Variants in CNTN3 observed in about 807,000 individuals in gnomAD.
CNTN3 encodes contactin 3.
A neutral mutation model predicts 119.1 loss-of-function variants in CNTN3; 60 were observed. That is an observed-to-expected ratio of 0.50 (90% CI 0.41 to 0.62). The LOEUF is 0.62. CNTN3 is among the 20% of genes least tolerant of loss of function. The probability of loss-of-function intolerance (pLI) is 0.00; values close to 1 mark genes in which losing one functional copy is unlikely to be tolerated. For missense variants in CNTN3, 1,101 were observed against 1,242.4 expected (o/e 0.89, Z 1.71); for synonymous variants, 450 against 438.7 (o/e 1.03, Z -0.32).
chr3:74,436,361 C>T (rs1335660392), intron 4 of CNTN3, among the ~76,000 whole-genome samples: 6 of 152,148 alleles, frequency 3.9e-5, no homozygotes, highest in Non-Finnish European at 8.8e-5. Flanking sequence ...CCCTTTGTCG[C>T]CTTCCACAGA....
intron 19 of CNTN3, among the ~76,000 whole-genome samples, chr3:74,291,582 T>C (rs186219599): frequency 6.6e-6 from 1 of 152,270 alleles, no homozygotes; most frequent in East Asian, 1.9e-4. Context: ...GGTTTCACTG[T>C]GTTAGCCAGG....
At chr3:74,290,351 TAAAGTA>T (rs1176222725) in intron 19 of CNTN3, among the ~76,000 whole-genome samples, 1 of 152,148 alleles carries the variant, frequency 6.6e-6, no homozygotes, top group Admixed American at 6.5e-5. Context: ...ATAGAAAAGG[TAAAGTA>T]AAATTGTGGT....
intron 4 of CNTN3, among the ~76,000 whole-genome samples, chr3:74,450,806 C>T (rs7634614): frequency 0.52 from 79,183 of 151,240 alleles, 21,131 homozygotes; most frequent in Non-Finnish European, 0.56. Context: ...AATGACGATT[C>T]CCAATTTCAT....
At chr3:74,554,631 A>C (rs886596679) in intron 1 of CNTN3, among the ~76,000 whole-genome samples, 1 of 152,164 alleles carries the variant, frequency 6.6e-6, no homozygotes, top group Non-Finnish European at 1.5e-5. Context: ...GAGGTCCTTC[A>C]CATCCCTTGT....
At chr3:74,564,661 A>G (rs1337820764) in intron 1 of CNTN3, among the ~76,000 whole-genome samples, 3 of 151,816 alleles carry the variant, frequency 2.0e-5, no homozygotes, top group African/African-American at 7.3e-5. Flanking sequence ...TTCCAGTTCT[A>G]GTACCTGGAT....
In CNTN3 at chr3:74,264,086, C is replaced by T. The variant is rs942686269; in HGVS notation, c.*315G>A. The T allele has an allele frequency of 3.7e-5, 7 of 188,454 alleles. No individual in the cohort carries two copies. Among genetic ancestry groups the T allele is most frequent in the Non-Finnish European group, 7.6e-5 (7 of 92,554 alleles). 11.7% of individuals were successfully genotyped at this position (188,454 alleles called of 1,614,324 possible). ...TTCAATGTAAAAAGAAATTCTCATG[C>T]GTGTGTGTGTACATGTGAGAGTGTG... On this transcript the variant is annotated 3_prime_UTR_variant, in exon 23 of 23. Transcript: ENST00000263665.
At chr3:74,298,573 G>A (rs796349502) in intron 17 of CNTN3, among the ~76,000 whole-genome samples, 47 of 150,204 alleles carry the variant, frequency 3.1e-4, no homozygotes, top group African/African-American at 1.1e-3. Context: ...ATATTAAAAT[G>A]GTGATTAAGA....
intron 1 of CNTN3, among the ~76,000 whole-genome samples, chr3:74,538,211 A>G (rs1703792892): frequency 1.3e-5 from 2 of 152,152 alleles, no homozygotes; most frequent in African/African-American, 4.8e-5. Flanking sequence ...GAGGCTTTTT[A>G]TATAAACTTG....
intron 5 of CNTN3, among the ~76,000 whole-genome samples, chr3:74,397,659 A>T (rs1408199613): frequency 6.6e-6 from 1 of 152,204 alleles, no homozygotes; most frequent in Non-Finnish European, 1.5e-5. Context: ...AAGTTATAAT[A>T]TTTAAGAAAC....
rs529396407 is a variant in CNTN3 at position 74,548,806 on chromosome 3, T to G, written c.-80-27614A>C. 7.2e-5 allele frequency among the ~76,000 whole-genome samples: 11 copies of G among 152,306 alleles called. No individual in the cohort carries two copies. In the East Asian group the frequency reaches 2.1e-3, roughly 29 times the overall value. ...GCTGGCTTTGAAGACTTACATACAA[T>G]ATTGGCTTTTACATTTAAATTATGT... On this transcript the variant is annotated intron_variant, in intron 1 of 22. Coordinates refer to ENST00000263665, the MANE Select transcript of CNTN3 (RefSeq NM_020872.3).
intron 1 of CNTN3, among the ~76,000 whole-genome samples, chr3:74,605,094 T>C (rs73118703): frequency 0.035 from 5,329 of 152,054 alleles, 149 homozygotes; most frequent in Non-Finnish European, 0.055. Flanking sequence ...TCTAAAAAAG[T>C]TGAAATCATA....
intron 4 of CNTN3, among the ~76,000 whole-genome samples, chr3:74,464,708 C>T (rs1474667503): frequency 6.6e-6 from 1 of 152,096 alleles, no homozygotes; most frequent in Non-Finnish European, 1.5e-5. Context: ...TTTTGCACTC[C>T]TTCTCCTCCT....
At chr3:74,324,828 T>G (rs1443711863) in intron 13 of CNTN3, among the ~76,000 whole-genome samples, 1 of 152,110 alleles carries the variant, frequency 6.6e-6, no homozygotes, top group Non-Finnish European at 1.5e-5. Context: ...ATAGACAAAG[T>G]TAACAGAAAA....
chr3:74,605,708 G>A (rs1222258930), intron 1 of CNTN3, among the ~76,000 whole-genome samples: 1 of 152,148 alleles, frequency 6.6e-6, no homozygotes, highest in Admixed American at 6.5e-5. Flanking sequence ...TCTCAAGGAG[G>A]CTTGCCTGGA....
chr3:74,585,459 T>C (rs917525465), intron 1 of CNTN3, among the ~76,000 whole-genome samples: 15 of 152,164 alleles, frequency 9.9e-5, no homozygotes, highest in African/African-American at 3.6e-4. Flanking sequence ...TGGGCTTAAA[T>C]TGCATCAGAT....
At chr3:74,456,957 T>C (rs1442960094) in intron 4 of CNTN3, among the ~76,000 whole-genome samples, 7 of 151,952 alleles carry the variant, frequency 4.6e-5, no homozygotes, top group Non-Finnish European at 8.8e-5. Context: ...ATAAAGCAAA[T>C]GAAATAATTC....
intron 5 of CNTN3, among the ~76,000 whole-genome samples, chr3:74,422,248 G>A (rs1220988139): frequency 6.6e-6 from 1 of 152,114 alleles, no homozygotes; most frequent in Non-Finnish European, 1.5e-5. Flanking sequence ...ACACTTTTTA[G>A]CATCTAAATC....
At chr3:74,344,515 T>C (rs1041859872) in intron 11 of CNTN3, among the ~76,000 whole-genome samples, 4 of 142,694 alleles carry the variant, frequency 2.8e-5, no homozygotes, top group Non-Finnish European at 4.5e-5. Context: ...AAGCTCCGCC[T>C]CCCGAGTTCA....
At chr3:74,292,524 C>CCA (rs1471827760) in intron 19 of CNTN3, among the ~76,000 whole-genome samples, 2 of 152,156 alleles carry the variant, frequency 1.3e-5, no homozygotes, top group African/African-American at 2.4e-5. Flanking sequence ...TGAGATCATG[C>CCA]CACTGCACTC....
Sources: allele counts gnomAD v4.1 joint callset (sites outside exome capture counted in the v4.1 genomes callset), GRCh38; gene constraint gnomAD v4.1.1; transcripts MANE v1.5; gene names NCBI Gene and HGNC (gene_info 2026-07-23, HGNC 2026-07-21).